Variants in FAM227B observed in about 807,000 individuals in gnomAD.
FAM227B encodes family with sequence similarity 227 member B.
A neutral mutation model predicts 73.8 loss-of-function variants in FAM227B; 88 were observed. The observed-to-expected ratio is 1.19, with a 90% CI of 1.00 to 1.42. The LOEUF (loss-of-function observed/expected upper bound fraction) is 1.42. FAM227B is among the 40% of genes most tolerant of loss of function. The pLI, the probability that FAM227B is intolerant of heterozygous loss-of-function variation, is 0.00. For synonymous variants in FAM227B, 210 were observed against 190.5 expected, an observed-to-expected ratio of 1.10 and a Z score of -0.84; for missense variants, 632 against 590.9, an observed-to-expected ratio of 1.07 and a Z score of -0.72.
intron 9 of FAM227B, among the ~76,000 whole-genome samples, chr15:49,547,849 T>C (rs1439017989): frequency 6.6e-6 from 1 of 152,140 alleles, no homozygotes; most frequent in Non-Finnish European, 1.5e-5. Context: ...CACAAGAAAT[T>C]AGATATACAG....
At chr15:49,393,069 T>A (rs1446466333) in intron 11 of FAM227B, among the ~76,000 whole-genome samples, 1 of 152,140 alleles carries the variant, frequency 6.6e-6, no homozygotes, top group East Asian at 1.9e-4. Flanking sequence ...TGTAGAAGTA[T>A]AAAGTGGAGT....
intron 11 of FAM227B, among the ~76,000 whole-genome samples, chr15:49,482,439 T>C (rs2056036411): frequency 6.6e-6 from 1 of 152,134 alleles, no homozygotes; most frequent in African/African-American, 2.4e-5. Flanking sequence ...AATGGTCTTT[T>C]AATGTATCAA....
chr15:49,356,106 G>A (rs995273742), intron 13 of FAM227B, among the ~76,000 whole-genome samples: 2 of 152,084 alleles, frequency 1.3e-5, no homozygotes, highest in Non-Finnish European at 2.9e-5. Context: ...AACATGGAAA[G>A]GAACAACCGG....
chr15:49,549,317 A>G lies in FAM227B; in HGVS notation c.748-7511T>C, dbSNP rs1245959238. On this transcript the variant is annotated intron_variant, in intron 9 of 15. Transcript: ENST00000299338. ...ATTTTCTTCTCTTATTGATTTGCAT[A>G]TGTATTTTATTTATTTATTTATTTT... Among the ~76,000 whole-genome samples, 10 of 96,476 alleles carry G rather than the reference A, an allele frequency of 1.0e-4. No individual in the cohort carries two copies. The East Asian group carries it at 4.5e-3, about 43-fold the overall frequency. 63.3% of individuals were successfully genotyped at this position (96,476 alleles called of 152,430 possible). A position where few individuals can be genotyped will look rare whatever the true frequency, so the allele number is the denominator to read the frequency against.
intron 9 of FAM227B, among the ~76,000 whole-genome samples, chr15:49,546,052 C>T (rs1016084465): frequency 6.6e-6 from 1 of 151,768 alleles, no homozygotes; most frequent in African/African-American, 2.4e-5. Context: ...TGGTGTGCTG[C>T]ACCCATTAAC....
intron 11 of FAM227B, among the ~76,000 whole-genome samples, chr15:49,450,301 C>T (rs1029534212): frequency 2.6e-5 from 4 of 152,078 alleles, no homozygotes; most frequent in African/African-American, 7.2e-5. Context: ...TACAAGATAA[C>T]TCTTTCTTCC....
At chr15:49,517,242 C>G (rs1157839844) in intron 10 of FAM227B, among the ~76,000 whole-genome samples, 1 of 151,800 alleles carries the variant, frequency 6.6e-6, no homozygotes, top group African/African-American at 2.4e-5. Flanking sequence ...AAAAATGAAC[C>G]AAAACTAAAG....
chr15:49,572,801 T>C (rs1403664085), intron 8 of FAM227B, among the ~76,000 whole-genome samples: 2 of 152,122 alleles, frequency 1.3e-5, no homozygotes, highest in Non-Finnish European at 2.9e-5. Flanking sequence ...ATTTGGGTTT[T>C]GTTTCTTCTA....
chr15:49,587,492 A>C (rs2076239530), intron 5 of FAM227B, among the ~76,000 whole-genome samples: 1 of 152,182 alleles, frequency 6.6e-6, no homozygotes, highest in South Asian at 2.1e-4. Flanking sequence ...ATAAAAGTTA[A>C]ATTTTTAAAA....
chr15:49,366,469 T>C lies in FAM227B; in HGVS notation c.1271+979A>G, dbSNP rs1420408568. On this transcript the variant is annotated intron_variant, in intron 13 of 15. Coordinates refer to ENST00000299338, the MANE Select transcript of FAM227B (RefSeq NM_152647.3). ...CAGGAGGAACATCAGAAAGGTTGCA[T>C]AGTGGTGCGGAAGTCAGATTCATCA... is the stretch of plus-strand genomic sequence containing the variant. 1.1e-5 allele frequency: 11 copies of C among 1,045,404 alleles called. No individual in the cohort carries two copies. In the East Asian group the frequency reaches 1.4e-4, roughly 13 times the overall value. The allele number at this position is 1,045,404 out of a possible 1,614,324, so 64.8% of individuals were successfully genotyped here.
intron 5 of FAM227B, among the ~76,000 whole-genome samples, chr15:49,580,444 C>A (rs2075741668): frequency 6.6e-6 from 1 of 152,160 alleles, no homozygotes; most frequent in East Asian, 1.9e-4. Flanking sequence ...AAAGACCCAA[C>A]ACAAAGTCTC....
rs865917703 is a variant in FAM227B at position 49,518,899 on chromosome 15, T to C, written c.875-10551A>G. Among the ~76,000 whole-genome samples the C allele has an allele frequency of 6.6e-5, 10 of 152,152 alleles. No homozygotes were observed. The South Asian group carries it at 1.4e-3, about 22-fold the overall frequency. On this transcript the variant is annotated intron_variant, in intron 10 of 15. Coordinates refer to ENST00000299338, the MANE Select transcript of FAM227B (RefSeq NM_152647.3). ...ACTCATTCCACCATTAACTCAAAAG[T>C]CTACAGTCCAAAATCTCATCTGAGA...
intron 11 of FAM227B, among the ~76,000 whole-genome samples, chr15:49,497,205 C>T (rs1410321214): frequency 6.6e-6 from 1 of 152,152 alleles, no homozygotes; most frequent in Admixed American, 6.6e-5. Context: ...TCTTTATGTG[C>T]AAGTTGAATA....
rs2056803008 is a variant in FAM227B, at chr15:49,489,829, TATATATATA to T, written c.1012+18373_1012+18381del. Among the ~76,000 whole-genome samples, 10 of 50,472 alleles carry T rather than the reference TATATATATA, an allele frequency of 2.0e-4. No homozygotes were observed. In the South Asian group the frequency reaches 5.9e-3, roughly 30 times the overall value. The allele number at this position is 50,472 out of a possible 152,430, so 33.1% of individuals were successfully genotyped here. A position where few individuals can be genotyped will look rare whatever the true frequency, so the allele number is the denominator to read the frequency against. On this transcript the variant is annotated intron_variant, in intron 11 of 15. Transcript: ENST00000299338. ...TATATATATATATATATTTTATATA[TATATATATA>T]TTTTATATATATATATATATTTTAT...
intron 12 of FAM227B, among the ~76,000 whole-genome samples, chr15:49,371,096 A>C (rs2045774182): frequency 6.6e-6 from 1 of 152,192 alleles, no homozygotes; most frequent in African/African-American, 2.4e-5. Context: ...ATTTTTCATT[A>C]GAAATGGGGA....
intron 11 of FAM227B, among the ~76,000 whole-genome samples, chr15:49,379,506 G>A (rs1393863288): frequency 1.3e-5 from 2 of 152,012 alleles, no homozygotes; most frequent in Non-Finnish European, 2.9e-5. Flanking sequence ...TTTATTTATG[G>A]TTCAATCTTG....
intron 11 of FAM227B, among the ~76,000 whole-genome samples, chr15:49,499,367 G>A (rs1179877068): frequency 1.3e-5 from 2 of 151,924 alleles, no homozygotes; most frequent in African/African-American, 4.8e-5. Context: ...TGTCTGTATA[G>A]TAAAAACTAG....
chr15:49,406,297 C>G (rs1000874750), intron 11 of FAM227B, among the ~76,000 whole-genome samples: 6 of 152,270 alleles, frequency 3.9e-5, no homozygotes, highest in African/African-American at 1.4e-4. Flanking sequence ...CAGGGTGCTA[C>G]TGGATGCCAG....
rs763516234 is a variant in FAM227B at position 49,396,206 on chromosome 15, T to A, written c.1013-24807A>T. The A allele has an allele frequency of 1.7e-4, 59 of 344,054 alleles. 3 individuals are homozygous for A. Among genetic ancestry groups the A allele is most frequent in the South Asian group, 1.1e-3 (53 of 46,856 alleles). The allele number at this position is 344,054 out of a possible 1,614,324, so 21.3% of individuals were successfully genotyped here. ...TGGGAAGCGCAAGGGGTCAGGGAGT[T>A]CCCTTTCCGAGTCAAAGAAAGGGGT... On this transcript the variant is annotated intron_variant, in intron 11 of 15. Coordinates refer to ENST00000299338, the MANE Select transcript of FAM227B (RefSeq NM_152647.3).
Sources: gnomAD v4.1 joint callset for allele counts (sites outside exome capture counted in the v4.1 genomes callset) on GRCh38, gnomAD v4.1.1 for gene constraint, MANE v1.5 for transcripts, NCBI Gene and HGNC (gene_info 2026-07-23, HGNC 2026-07-21) for gene names.